The following ESCO1 variants were observed in gnomAD, a reference collection of about 807,000 sequenced individuals.
ESCO1 encodes N-acetyltransferase ESCO1.
Under a neutral mutation model 83.5 loss-of-function variants are expected in ESCO1, and 33 were observed. That is an observed-to-expected ratio of 0.40 (90% CI 0.30 to 0.53). The LOEUF (loss-of-function observed/expected upper bound fraction) is 0.53, where lower values mean the gene tolerates loss of function less well. Among genes scored for constraint, ESCO1 ranks in the 20% least tolerant of loss-of-function variants. ESCO1 has a pLI of 0.63. For synonymous variants in ESCO1, 332 were observed against 324.3 expected, an observed-to-expected ratio of 1.02 and a Z score of -0.25; for missense variants, 855 against 968.0, an observed-to-expected ratio of 0.88 and a Z score of 1.55.
At chr18:21,571,089 T>C (rs2038335187) in intron 4 of ESCO1, among the ~76,000 whole-genome samples, 1 of 152,170 alleles carries the variant, frequency 6.6e-6, no homozygotes, top group South Asian at 2.1e-4. Flanking sequence ...ATCTGGGTGG[T>C]AGACATATGA....
rs1298439969 is a variant in ESCO1, at chr18:21,575,378, C to T, written c.-535G>A. The T allele has an allele frequency of 5.0e-6, 2 of 397,952 alleles. No homozygotes were observed. Among genetic ancestry groups the T allele is most frequent in the African/African-American group, 4.1e-5 (2 of 48,602 alleles). 24.7% of individuals were successfully genotyped at this position (397,952 alleles called of 1,614,324 possible). Reference sequence around the variant, plus strand: ...TGGTTTGCAGTTCTTATCTAACCTCCTTTGTTCAACAAAATATTCTATTAA... The same window carrying T: ...TGGTTTGCAGTTCTTATCTAACCTCTTTTGTTCAACAAAATATTCTATTAA... On this transcript the variant is annotated 5_prime_UTR_variant, in exon 4 of 12. Coordinates refer to ENST00000269214, the MANE Select transcript of ESCO1 (RefSeq NM_052911.3).
chr18:21,593,596 G>GCAGGGA (rs1568115698), intron 1 of ESCO1: 1 of 9,174 alleles, frequency 1.1e-4, no homozygotes, highest in Non-Finnish European at 2.9e-4. Flanking sequence ...GAGGGAGACC[G>GCAGGGA]TAGGGAGAGG....
intron 1 of ESCO1, among the ~76,000 whole-genome samples, chr18:21,595,911 C>T (rs949096896): frequency 6.6e-6 from 1 of 151,788 alleles, no homozygotes; most frequent in African/African-American, 2.4e-5. Context: ...TTGCAGTGAG[C>T]GGAGATCACG....
chr18:21,546,802 C>G (rs553923535), intron 8 of ESCO1, among the ~76,000 whole-genome samples: 1 of 152,180 alleles, frequency 6.6e-6, no homozygotes, highest in Non-Finnish European at 1.5e-5. Flanking sequence ...CCGCCCTGGC[C>G]TCCCAAAGTG....
intron 9 of ESCO1, among the ~76,000 whole-genome samples, chr18:21,537,051 T>C (rs1201112469): frequency 1.3e-5 from 2 of 152,172 alleles, no homozygotes; most frequent in African/African-American, 4.8e-5. Flanking sequence ...TTAAAGAACT[T>C]TCCCATGTCA....
At chr18:21,535,661 C>G (rs912333655) in intron 10 of ESCO1, among the ~76,000 whole-genome samples, 2 of 152,116 alleles carry the variant, frequency 1.3e-5, no homozygotes, top group African/African-American at 4.8e-5. Context: ...GGATTACAGG[C>G]GTGAGCCACC....
chr18:21,556,797 C>T (rs2038118626), intron 8 of ESCO1, among the ~76,000 whole-genome samples: 1 of 152,022 alleles, frequency 6.6e-6, no homozygotes, highest in African/African-American at 2.4e-5. Flanking sequence ...GCCTCCCAGG[C>T]TCAAGCGATT....
chr18:21,569,521 C>G (rs1472730700), intron 4 of ESCO1, among the ~76,000 whole-genome samples: 1 of 152,104 alleles, frequency 6.6e-6, no homozygotes, highest in Non-Finnish European at 1.5e-5. Flanking sequence ...CCAAGCAGGC[C>G]GATCACCTGA....
chr18:21,542,903 T>C (rs760817915), intron 8 of ESCO1, among the ~76,000 whole-genome samples: 5 of 152,026 alleles, frequency 3.3e-5, no homozygotes, highest in Admixed American at 6.6e-5. Flanking sequence ...CAGGAAAGAG[T>C]GCATGCAATT....
chr18:21,552,675 C>A (rs940875341), intron 8 of ESCO1, among the ~76,000 whole-genome samples: 11 of 151,986 alleles, frequency 7.2e-5, no homozygotes, highest in African/African-American at 2.7e-4. Flanking sequence ...ACAGAGAACC[C>A]GGAAACAGAC....
intron 2 of ESCO1, among the ~76,000 whole-genome samples, chr18:21,579,471 C>CA (rs922893690): frequency 3.3e-5 from 5 of 149,854 alleles, no homozygotes; most frequent in Admixed American, 6.7e-5. Context: ...CTTTAAAAAA[C>CA]AAAAAAACAA....
intron 2 of ESCO1, among the ~76,000 whole-genome samples, chr18:21,576,395 T>G (rs1283821465): frequency 1.3e-5 from 2 of 152,152 alleles, no homozygotes; most frequent in African/African-American, 4.8e-5. Context: ...CCAGGTTACT[T>G]GGGAGACTGA....
intron 2 of ESCO1, among the ~76,000 whole-genome samples, chr18:21,580,666 A>C (rs1184526230): frequency 6.6e-6 from 1 of 152,166 alleles, no homozygotes; most frequent in Non-Finnish European, 1.5e-5. Flanking sequence ...TATAAGTATA[A>C]ATAAGTTAGT....
chr18:21,580,993 C>T (rs377582957), intron 2 of ESCO1, among the ~76,000 whole-genome samples: 35 of 145,162 alleles, frequency 2.4e-4, no homozygotes, highest in African/African-American at 8.7e-4. Flanking sequence ...TCCATCGAAA[C>T]GGAGTCTCAT....
chr18:21,574,166 C>T lies in ESCO1; in HGVS notation c.678G>A (p.Lys226=), dbSNP rs372388596. The change falls in exon 4 of 12, where the codon AAG becomes AAA. Residue 226 remains lysine (K), a synonymous_variant. Coordinates refer to ENST00000269214, the MANE Select transcript of ESCO1 (RefSeq NM_052911.3). The stretch of plus-strand genomic sequence containing the variant: ...CTCTTCTAGTAGTCTTCTGAGGACA[C>T]TTTTCAGATCCTTGCGTGCATTGAG... ...CSSQCTQGSE[K]CPQKTTRRDE... is the part of the protein sequence containing the mutation. The T allele has an allele frequency of 1.2e-6, 2 of 1,613,800 alleles. No individual in the cohort carries two copies. The highest frequency in any genetic ancestry group is 1.7e-5 in the Admixed American group (1 of 59,974).
At chr18:21,537,919 T>C (rs2037856430) in intron 9 of ESCO1, among the ~76,000 whole-genome samples, 1 of 152,102 alleles carries the variant, frequency 6.6e-6, no homozygotes, top group African/African-American at 2.4e-5. Context: ...GTAGGGCTTT[T>C]TTCAATAAAC....
At chr18:21,546,722 T>C (rs893214283) in intron 8 of ESCO1, among the ~76,000 whole-genome samples, 4 of 152,102 alleles carry the variant, frequency 2.6e-5, no homozygotes, top group African/African-American at 9.7e-5. Flanking sequence ...GATTTTTCTA[T>C]TTTTTGTAGA....
intron 10 of ESCO1, among the ~76,000 whole-genome samples, chr18:21,535,160 G>C (rs2037818251): frequency 6.6e-6 from 1 of 151,938 alleles, no homozygotes; most frequent in African/African-American, 2.4e-5. Context: ...AATTGAGAAA[G>C]ACATTACATT....
chr18:21,573,322 A>T lies in ESCO1; in HGVS notation c.1522T>A (p.Ser508Thr). 6.4e-7 allele frequency: 1 copy of T among 1,570,364 alleles called. No individual in the cohort carries two copies. The highest frequency in any genetic ancestry group is 8.6e-7 in the Non-Finnish European group (1 of 1,166,580). ...NQMKHSFDSA[S>T]NKNFSQCLES... The stretch of plus-strand genomic sequence containing the variant: ...TAATAAAAACAGATTACCTTATTTG[A>T]TGCTGAATCAAAAGAATGTTTCATC... Residue 508 changes from serine to threonine, a missense_variant, in exon 4 of 12, where the codon TCA (serine) becomes ACA (threonine). By Grantham distance (58) the Ser-to-Thr change is moderately conservative. This residue lies in a region of ESCO1 where 726 missense variants were observed against 699.5 expected (regional missense o/e 1.04). Coordinates refer to ENST00000269214, the MANE Select transcript of ESCO1 (RefSeq NM_052911.3).
Sources: allele counts gnomAD v4.1 joint callset (sites outside exome capture counted in the v4.1 genomes callset), GRCh38; gene constraint gnomAD v4.1.1; regional missense constraint gnomAD v4.1.1; transcripts MANE v1.5; gene names NCBI Gene and HGNC (gene_info 2026-07-23, HGNC 2026-07-21).